Variants in FHIT observed in about 807,000 individuals in gnomAD.
FHIT encodes bis(5'-adenosyl)-triphosphatase.
In FHIT, 19 loss-of-function variants were observed where a neutral mutation model predicts 17.9. The observed-to-expected ratio is 1.06, with a 90% CI of 0.74 to 1.56. The LOEUF (loss-of-function observed/expected upper bound fraction) is 1.56. FHIT is among the 40% of genes most tolerant of loss of function. FHIT has a pLI of 0.00. For missense variants in FHIT, 248 were observed against 189.2 expected, an observed-to-expected ratio of 1.31 and a Z score of -1.82; for synonymous variants, 81 against 69.7, an observed-to-expected ratio of 1.16 and a Z score of -0.81.
chr3:60,865,023 A>T (rs1190571477), intron 3 of FHIT, among the ~76,000 whole-genome samples: 1 of 152,152 alleles, frequency 6.6e-6, no homozygotes, highest in African/African-American at 2.4e-5. Context: ...AATAGAAATA[A>T]ATCATAATAA....
intron 2 of FHIT, among the ~76,000 whole-genome samples, chr3:61,068,641 A>G (rs13099063): frequency 0.55 from 83,518 of 151,830 alleles, 24,024 homozygotes; most frequent in Non-Finnish European, 0.64. Flanking sequence ...TCTGGAGATT[A>G]GGGTGTAGAT....
At chr3:60,703,111 A>T (rs1390531442) in intron 4 of FHIT, among the ~76,000 whole-genome samples, 1 of 152,214 alleles carries the variant, frequency 6.6e-6, no homozygotes, top group East Asian at 1.9e-4. Flanking sequence ...TGTTGCCCTC[A>T]TAAGAAGCAA....
chr3:60,615,141 T>C (rs1553675372), intron 4 of FHIT, among the ~76,000 whole-genome samples: 1 of 152,186 alleles, frequency 6.6e-6, no homozygotes, highest in African/African-American at 2.4e-5. Flanking sequence ...GTTCTTGAAT[T>C]GTTACCTTGG....
At chr3:60,682,746 T>A (rs2040779874) in intron 4 of FHIT, among the ~76,000 whole-genome samples, 1 of 152,214 alleles carries the variant, frequency 6.6e-6, no homozygotes, top group Non-Finnish European at 1.5e-5. Flanking sequence ...GAAGGAGTAA[T>A]TTTGACTTTC....
At chr3:60,319,470 C>A (rs781621694) in intron 5 of FHIT, among the ~76,000 whole-genome samples, 1 of 150,770 alleles carries the variant, frequency 6.6e-6, no homozygotes. Context: ...AAACAACGAA[C>A]AGAGTAGATG....
chr3:60,351,747 T>C (rs1328811510), intron 5 of FHIT, among the ~76,000 whole-genome samples: 2 of 152,228 alleles, frequency 1.3e-5, no homozygotes, highest in Non-Finnish European at 2.9e-5. Context: ...AGTCTAGTAC[T>C]CAGCTCGCAA....
chr3:59,967,358 A>G (rs778307441), intron 7 of FHIT, among the ~76,000 whole-genome samples: 12 of 152,192 alleles, frequency 7.9e-5, no homozygotes, highest in African/African-American at 1.2e-4. Context: ...TGTACTGAAC[A>G]TAACTGTACG....
At chr3:60,298,270 G>T (rs539892239) in intron 5 of FHIT, among the ~76,000 whole-genome samples, 1 of 152,010 alleles carries the variant, frequency 6.6e-6, no homozygotes, top group African/African-American at 2.4e-5. Flanking sequence ...CCTCCCTAGA[G>T]TCAGGAGATA....
At chr3:60,571,360 A>G (rs941934565) in intron 4 of FHIT, among the ~76,000 whole-genome samples, 1 of 140,122 alleles carries the variant, frequency 7.1e-6, no homozygotes, top group African/African-American at 2.6e-5. Context: ...AAAAAAAAAA[A>G]AAAGAACAAT....
chr3:61,059,372 C>CTTTTTTTTTTTTTTTTTTTTT (rs201797361), intron 2 of FHIT, among the ~76,000 whole-genome samples: 4 of 113,282 alleles, frequency 3.5e-5, no homozygotes, highest in Admixed American at 9.4e-5. Context: ...TTGCTTTTTC[C>CTTTTTTTTTTTTTTTTTTTTT]TTTTTTTTTT....
In FHIT at chr3:60,107,482, G is replaced by A. The variant is rs181193985; in HGVS notation, c.104-93330C>T. ...CAGCTTCTAACTGGAAGTCATTCAC[G>A]AGCTCCACAGAGGGAACATGATGGG... is the stretch of plus-strand genomic sequence containing the variant. On this transcript the variant is annotated intron_variant, in intron 5 of 9. Transcript: ENST00000492590. Among the ~76,000 whole-genome samples, 45 of 152,236 alleles carry A rather than the reference G, an allele frequency of 3.0e-4. 1 individual carries two copies. Among genetic ancestry groups the A allele is most frequent in the Admixed American group, 8.5e-4 (13 of 15,288 alleles).
intron 5 of FHIT, among the ~76,000 whole-genome samples, chr3:60,146,079 T>A (rs1424695841): frequency 6.6e-6 from 1 of 152,054 alleles, no homozygotes; most frequent in Non-Finnish European, 1.5e-5. Context: ...GCAAAATAAA[T>A]AATTTAGCCA....
intron 2 of FHIT, among the ~76,000 whole-genome samples, chr3:61,118,041 A>G (rs2036351175): frequency 6.6e-6 from 1 of 152,128 alleles, no homozygotes; most frequent in Non-Finnish European, 1.5e-5. Context: ...TAATAAGGAG[A>G]AACTGATTCT....
chr3:59,817,660 C>T (rs1186427285), intron 8 of FHIT, among the ~76,000 whole-genome samples: 1 of 151,916 alleles, frequency 6.6e-6, no homozygotes, highest in African/African-American at 2.4e-5. Flanking sequence ...AACCATCCTC[C>T]AGCCTTTTAA....
At chr3:60,262,468 G>T (rs1328625754) in intron 5 of FHIT, among the ~76,000 whole-genome samples, 6 of 152,018 alleles carry the variant, frequency 3.9e-5, no homozygotes, top group African/African-American at 1.4e-4. Context: ...ACCCTTTTTG[G>T]TTCTGGGAAA....
chr3:60,445,712 G>A (rs561148129), intron 5 of FHIT, among the ~76,000 whole-genome samples: 1 of 151,302 alleles, frequency 6.6e-6, no homozygotes, highest in African/African-American at 2.4e-5. Context: ...GTAGACACAC[G>A]ATTTTCTTTC....
intron 4 of FHIT, among the ~76,000 whole-genome samples, chr3:60,731,524 G>A (rs941903335): frequency 1.3e-5 from 2 of 152,078 alleles, no homozygotes; most frequent in Non-Finnish European, 2.9e-5. Context: ...CCATGGAGTG[G>A]GCTGTTCACG....
At chr3:60,482,566 C>G (rs553563078) in intron 5 of FHIT, among the ~76,000 whole-genome samples, 2 of 152,176 alleles carry the variant, frequency 1.3e-5, no homozygotes, top group African/African-American at 4.8e-5. Flanking sequence ...ACAACATGAT[C>G]CTGAGTGAAT....
intron 5 of FHIT, among the ~76,000 whole-genome samples, chr3:60,490,707 G>A (rs1317479922): frequency 1.3e-5 from 2 of 150,374 alleles, no homozygotes; most frequent in African/African-American, 4.9e-5. Flanking sequence ...TCAGTTTCAC[G>A]TCTTCTGTCT....
Sources: allele counts gnomAD v4.1 joint callset (sites outside exome capture counted in the v4.1 genomes callset), GRCh38; gene constraint gnomAD v4.1.1; transcripts MANE v1.5; gene names NCBI Gene and HGNC (gene_info 2026-07-23, HGNC 2026-07-21).